Variants in TANK observed in about 807,000 individuals in gnomAD.
The protein encoded by TANK is TRAF family member-associated NF-kappa-B activator.
TANK carries 15 observed loss-of-function variants against 43.6 expected under a neutral mutation model. The observed-to-expected ratio is 0.34, with a 90% CI of 0.23 to 0.53. TANK has a LOEUF of 0.53. Ranked by LOEUF, TANK falls within the 20% of genes least tolerant of loss-of-function variation. The pLI, the probability that TANK is intolerant of heterozygous loss-of-function variation, is 0.94. For synonymous variants in TANK, 162 were observed against 178.2 expected (o/e 0.91, Z 0.73); for missense variants, 417 against 498.6 (o/e 0.84, Z 1.56).
At chr2:161,187,595 C>T (rs560563024) in intron 2 of TANK, among the ~76,000 whole-genome samples, 34 of 152,230 alleles carry the variant, frequency 2.2e-4, no homozygotes, top group African/African-American at 7.7e-4. Context: ...AAGGAAGAAA[C>T]ATTACAGCTC....
intron 2 of TANK, among the ~76,000 whole-genome samples, chr2:161,185,089 C>CTTGGAGAATACCAATATT (rs1259004062): frequency 6.6e-6 from 1 of 151,972 alleles, no homozygotes; most frequent in African/African-American, 2.4e-5. Flanking sequence ...AGGAAGAGAA[C>CTTGGAGAATACCAATATT]TTGGAGAATA....
Position 161,228,604 on chromosome 2 carries a change from G to GT in TANK, c.521-2359dup, listed in dbSNP as rs200464550. On this transcript the variant is annotated intron_variant, in intron 6 of 7. Transcript: ENST00000392749. ...CTGTTGTTACATTGTAGCACATTTT[G>GT]TTTTTTTTGTAAATTTAGTGTAACC... is the stretch of plus-strand genomic sequence containing the variant. 5.5e-3 allele frequency among the ~76,000 whole-genome samples: 828 copies of GT among 151,778 alleles called. 8 individuals carry two copies. Among genetic ancestry groups the GT allele is most frequent in the African/African-American group, 0.019 (784 of 41,398 alleles).
At chr2:161,181,142 C>T (rs1281925737) in intron 2 of TANK, among the ~76,000 whole-genome samples, 1 of 152,130 alleles carries the variant, frequency 6.6e-6, no homozygotes, top group Admixed American at 6.5e-5. Flanking sequence ...ACTTGACGGC[C>T]ATGCATGGTG....
chr2:161,235,308 A>G (rs778703157), intron 7 of TANK, 34 bp from the exon 8 acceptor site: 2 of 1,550,662 alleles, frequency 1.3e-6, no homozygotes, highest in African/African-American at 1.4e-5. Context: ...GAATTTAAAC[A>G]TAAGTAACAG....
In TANK at chr2:161,151,793, G is replaced by A. The variant is rs183942337; in HGVS notation, c.-50+14730G>A. On this transcript the variant is annotated intron_variant, in intron 1 of 7. Coordinates refer to the TANK transcript ENST00000259075. ...TTTAAAGTAATTATTGATAAGGAAG[G>A]TCTTACGGCTGCCATTTTGCTATTT... Among the ~76,000 whole-genome samples, 277 of 152,150 alleles carry A rather than the reference G, an allele frequency of 1.8e-3. 9 individuals are homozygous for A. The South Asian group carries it at 0.032, about 18-fold the overall frequency.
At chr2:161,181,879 A>T (rs1685443706) in intron 2 of TANK, among the ~76,000 whole-genome samples, 1 of 152,166 alleles carries the variant, frequency 6.6e-6, no homozygotes, top group Non-Finnish European at 1.5e-5. Context: ...ACTTCTGCAC[A>T]GGCAGTTGAA....
At chr2:161,234,997 G>A (rs1688111309) in intron 7 of TANK, among the ~76,000 whole-genome samples, 1 of 152,128 alleles carries the variant, frequency 6.6e-6, no homozygotes, top group Non-Finnish European at 1.5e-5. Context: ...ACAAAAGATA[G>A]AATTTAATTT....
At chr2:161,233,846 A>C (rs976332512) in intron 7 of TANK, among the ~76,000 whole-genome samples, 4 of 152,064 alleles carry the variant, frequency 2.6e-5, no homozygotes, top group Non-Finnish European at 2.9e-5. Context: ...AGTGATTTGT[A>C]CTTTTTTGTT....
intron 1 of TANK, among the ~76,000 whole-genome samples, chr2:161,152,442 A>G (rs763714344): frequency 1.2e-4 from 18 of 152,202 alleles, no homozygotes; most frequent in Non-Finnish European, 2.2e-4. Context: ...ACTTTTTTCT[A>G]GCACTTTATA....
chr2:161,229,961 C>T (rs1236696621), intron 6 of TANK, among the ~76,000 whole-genome samples: 1 of 152,170 alleles, frequency 6.6e-6, no homozygotes, highest in Non-Finnish European at 1.5e-5. Context: ...GTATTGAGCA[C>T]TCATTGGCCC....
chr2:161,166,931 A>G (rs1684709136), intron 1 of TANK, among the ~76,000 whole-genome samples: 1 of 152,238 alleles, frequency 6.6e-6, no homozygotes, highest in African/African-American at 2.4e-5. Context: ...GGGGTTGGGA[A>G]AGGCTGGTGG....
intron 4 of TANK, among the ~76,000 whole-genome samples, chr2:161,205,452 A>G (rs1057475893): frequency 1.3e-5 from 2 of 152,200 alleles, no homozygotes; most frequent in African/African-American, 4.8e-5. Context: ...TAAGACACAG[A>G]TTAGATAATA....
At chr2:161,148,673 C>T (rs1008958489) in intron 1 of TANK, among the ~76,000 whole-genome samples, 2 of 152,052 alleles carry the variant, frequency 1.3e-5, no homozygotes, top group Non-Finnish European at 1.5e-5. Flanking sequence ...GGTAATTGAT[C>T]GATTGGGAGT....
chr2:161,235,639 T>C lies in TANK; in HGVS notation c.*121T>C. 2.6e-6 allele frequency: 2 copies of C among 781,028 alleles called. No homozygotes were observed. The highest frequency in any genetic ancestry group is 3.8e-6 in the Non-Finnish European group (2 of 532,784). The allele number at this position is 781,028 out of a possible 1,614,324, so 48.4% of individuals were successfully genotyped here. ...ATAGGAAAATCTAGTTTCACAGCTA[T>C]TTGAATTTTTTTCTGGATTTACTAT... is the stretch of plus-strand genomic sequence containing the variant. On this transcript the variant is annotated 3_prime_UTR_variant, in exon 8 of 8. Transcript: ENST00000392749.
chr2:161,235,624 C>A lies in TANK; in HGVS notation c.*106C>A. The A allele has an allele frequency of 2.2e-6, 2 of 916,492 alleles. No individual in the cohort carries two copies. The highest frequency in any genetic ancestry group is 3.0e-5 in the East Asian group (1 of 33,478). 56.8% of individuals were successfully genotyped at this position (916,492 alleles called of 1,614,324 possible). A position where few individuals can be genotyped will look rare whatever the true frequency, so the allele number is the denominator to read the frequency against. On this transcript the variant is annotated 3_prime_UTR_variant, in exon 8 of 8. Coordinates refer to ENST00000392749, the MANE Select transcript of TANK (RefSeq NM_001199135.3). ...AATTCAAGATCATTTATAGGAAAATCTAGTTTCACAGCTATTTGAATTTTT... is the reference window on the plus strand; with the variant it reads ...AATTCAAGATCATTTATAGGAAAATATAGTTTCACAGCTATTTGAATTTTT...
chr2:161,178,931 G>A (rs573217307), intron 1 of TANK, among the ~76,000 whole-genome samples: 1 of 152,234 alleles, frequency 6.6e-6, no homozygotes, highest in South Asian at 2.1e-4. Flanking sequence ...ATGTCGTTAA[G>A]AGATGTTATG....
At chr2:161,218,317 A>G (rs940267452) in intron 4 of TANK, among the ~76,000 whole-genome samples, 2 of 152,176 alleles carry the variant, frequency 1.3e-5, no homozygotes, top group Non-Finnish European at 2.9e-5. Context: ...GCCTTGGTGC[A>G]ATATGTAAAT....
At chr2:161,152,591 T>C (rs1279697682) in intron 1 of TANK, among the ~76,000 whole-genome samples, 1 of 152,134 alleles carries the variant, frequency 6.6e-6, no homozygotes, top group Admixed American at 6.5e-5. Context: ...AGTTCAAAAA[T>C]TGCCTCAAAA....
At chr2:161,186,405 G>C (rs1685666442) in intron 2 of TANK, among the ~76,000 whole-genome samples, 1 of 151,844 alleles carries the variant, frequency 6.6e-6, no homozygotes, top group Non-Finnish European at 1.5e-5. Flanking sequence ...TATTTTCATG[G>C]TTTTCTCCCT....
Sources: gnomAD v4.1 joint callset for allele counts (sites outside exome capture counted in the v4.1 genomes callset) on GRCh38, gnomAD v4.1.1 for gene constraint, MANE v1.5 for transcripts, NCBI Gene and HGNC (gene_info 2026-07-23, HGNC 2026-07-21) for gene names.